The following ADGRB3 variants were observed in gnomAD, a reference collection of about 807,000 sequenced individuals.
ADGRB3 encodes brain-specific angiogenesis inhibitor 3.
In ADGRB3, 37 loss-of-function variants were observed where a neutral mutation model predicts 193.4. The ratio of observed to expected loss-of-function variants is 0.19; its 90% CI spans 0.15 to 0.25. The LOEUF (loss-of-function observed/expected upper bound fraction) is 0.25, where lower values mean the gene tolerates loss of function less well. ADGRB3 is among the 10% of genes least tolerant of loss of function. The probability of loss-of-function intolerance (pLI) is 1.00; values close to 1 mark genes in which losing one functional copy is unlikely to be tolerated. For synonymous variants in ADGRB3, 690 were observed against 644.2 expected (o/e 1.07, Z -1.08); for missense variants, 1,637 against 1,852.9 (o/e 0.88, Z 2.14).
intron 3 of ADGRB3, among the ~76,000 whole-genome samples, chr6:68,807,154 G>C (rs554100839): frequency 3.3e-5 from 5 of 151,670 alleles, no homozygotes; most frequent in Non-Finnish European, 7.4e-5. Flanking sequence ...TAGGGAATGT[G>C]AGATAATGGT....
At chr6:68,966,403 A>T (rs1007887177) in intron 8 of ADGRB3, among the ~76,000 whole-genome samples, 4 of 152,016 alleles carry the variant, frequency 2.6e-5, no homozygotes, top group African/African-American at 4.8e-5. Flanking sequence ...TGCTTACCTC[A>T]TCATATATTA....
chr6:68,982,147 G>C (rs1288220092), intron 10 of ADGRB3, among the ~76,000 whole-genome samples: 4 of 151,952 alleles, frequency 2.6e-5, no homozygotes, highest in African/African-American at 7.2e-5. Context: ...GCCTCCCAAA[G>C]TACATTTATA....
intron 3 of ADGRB3, among the ~76,000 whole-genome samples, chr6:68,704,078 C>T (rs939358041): frequency 4.6e-5 from 7 of 152,084 alleles, no homozygotes; most frequent in Non-Finnish European, 1.0e-4. Context: ...TTTGATTATA[C>T]AGCATTTTAC....
chr6:69,323,757 T>C (rs1191704108), intron 20 of ADGRB3, among the ~76,000 whole-genome samples: 1 of 152,186 alleles, frequency 6.6e-6, no homozygotes, highest in African/African-American at 2.4e-5. Context: ...TTAGAAGAAC[T>C]GGCGAACTAA....
chr6:69,372,297 A>T, intron 29 of ADGRB3, 109 bp from the exon 30 acceptor site: 1 of 561,228 alleles, frequency 1.8e-6, no homozygotes, highest in Non-Finnish European at 2.9e-6. Flanking sequence ...AAATATGTAT[A>T]AAACAAGCAG....
chr6:68,867,945 C>T (rs532041637), intron 3 of ADGRB3, among the ~76,000 whole-genome samples: 5 of 152,020 alleles, frequency 3.3e-5, no homozygotes, highest in Non-Finnish European at 7.4e-5. Context: ...TTTACAGGCT[C>T]ATAGGCCAAA....
intron 3 of ADGRB3, among the ~76,000 whole-genome samples, chr6:68,808,313 T>A (rs949573439): frequency 6.6e-6 from 1 of 152,130 alleles, no homozygotes; most frequent in African/African-American, 2.4e-5. Context: ...GAATACAAAG[T>A]AGTGATTTTT....
At chr6:69,313,816 A>T (rs903883144) in intron 20 of ADGRB3, among the ~76,000 whole-genome samples, 1 of 151,768 alleles carries the variant, frequency 6.6e-6, no homozygotes, top group Non-Finnish European at 1.5e-5. Flanking sequence ...TGAAATACAT[A>T]TACATTGTAG....
chr6:69,281,117 CTTTG>C (rs1398002205), intron 20 of ADGRB3, among the ~76,000 whole-genome samples: 10 of 152,238 alleles, frequency 6.6e-5, no homozygotes, highest in Middle Eastern at 3.4e-3. Context: ...CATAGAACAA[CTTTG>C]TTTGGTAATT....
At chr6:69,378,610 A>G (rs185384375) in intron 30 of ADGRB3, among the ~76,000 whole-genome samples, 1 of 152,132 alleles carries the variant, frequency 6.6e-6, no homozygotes, top group Admixed American at 6.6e-5. Flanking sequence ...TCCTTTTTTA[A>G]ATCTTCAAAA....
At chr6:69,273,695 A>C (rs1051670352) in intron 20 of ADGRB3, among the ~76,000 whole-genome samples, 1 of 152,186 alleles carries the variant, frequency 6.6e-6, no homozygotes, top group Admixed American at 6.5e-5. Flanking sequence ...GCCTCCGTAA[A>C]ACCAGTAATG....
chr6:69,155,054 A>G (rs1198643622), intron 17 of ADGRB3, among the ~76,000 whole-genome samples: 4 of 152,228 alleles, frequency 2.6e-5, no homozygotes, highest in Admixed American at 2.0e-4. Context: ...TTAAGTAGCA[A>G]TGAAAGTCTT....
chr6:68,774,409 C>G (rs1428661384), intron 3 of ADGRB3, among the ~76,000 whole-genome samples: 3 of 147,434 alleles, frequency 2.0e-5, no homozygotes, highest in Admixed American at 2.0e-4. Context: ...TATGAAATTC[C>G]TAAAGTTTTC....
At chr6:69,313,038 A>G (rs755111373) in intron 20 of ADGRB3, among the ~76,000 whole-genome samples, 3 of 151,888 alleles carry the variant, frequency 2.0e-5, no homozygotes, top group Non-Finnish European at 4.4e-5. Context: ...TGAAAGATTG[A>G]GGGTGTGAAA....
intron 11 of ADGRB3, among the ~76,000 whole-genome samples, chr6:68,994,536 A>G (rs954018031): frequency 1.3e-5 from 2 of 152,164 alleles, no homozygotes; most frequent in African/African-American, 4.8e-5. Flanking sequence ...GAACAACATC[A>G]TTTATTTCCA....
chr6:68,732,770 G>A (rs1012375136), intron 3 of ADGRB3, among the ~76,000 whole-genome samples: 1 of 151,882 alleles, frequency 6.6e-6, no homozygotes, highest in Non-Finnish European at 1.5e-5. Flanking sequence ...TCTGTGGTGA[G>A]TCTTACGCAG....
At chr6:68,758,675 AATT>A (rs775663923) in intron 3 of ADGRB3, among the ~76,000 whole-genome samples, 1 of 152,114 alleles carries the variant, frequency 6.6e-6, no homozygotes, top group Non-Finnish European at 1.5e-5. Flanking sequence ...AGTCCAGCTG[AATT>A]ATTATCTCCT....
intron 6 of ADGRB3, among the ~76,000 whole-genome samples, chr6:68,953,518 G>T (rs1490398582): frequency 6.6e-6 from 1 of 152,086 alleles, no homozygotes; most frequent in East Asian, 1.9e-4. Context: ...GAAAAATTCT[G>T]AAATGAAAAA....
At chr6:69,288,939 A>G (rs1003303362) in intron 20 of ADGRB3, among the ~76,000 whole-genome samples, 8 of 152,072 alleles carry the variant, frequency 5.3e-5, no homozygotes, top group African/African-American at 1.7e-4. Flanking sequence ...TTCCTTTCCC[A>G]TGACATTCCA....
Sources: allele counts gnomAD v4.1 joint callset (sites outside exome capture counted in the v4.1 genomes callset), GRCh38; gene constraint gnomAD v4.1.1; transcripts MANE v1.5; gene names NCBI Gene and HGNC (gene_info 2026-07-23, HGNC 2026-07-21).